The following ATP2C2 variants were observed in gnomAD, a reference collection of about 807,000 sequenced individuals.
ATP2C2 encodes ATPase secretory pathway Ca2+ transporting 2.
ATP2C2 carries 171 observed loss-of-function variants against 110.8 expected under a neutral mutation model. That is an observed-to-expected ratio of 1.54 (90% CI 1.36 to 1.75). The LOEUF (loss-of-function observed/expected upper bound fraction) is 1.75, where lower values mean the gene tolerates loss of function less well. ATP2C2 is among the 40% of genes most tolerant of loss of function. ATP2C2 has a pLI of 0.00. For missense variants in ATP2C2, 1,963 were observed against 1,235.0 expected (o/e 1.59, Z -8.84); for synonymous variants, 804 against 508.4 (o/e 1.58, Z -7.82).
At chr16:84,412,778 C>A (rs10514604) in intron 6 of ATP2C2, among the ~76,000 whole-genome samples, 5 of 151,860 alleles carry the variant, frequency 3.3e-5, no homozygotes, top group South Asian at 4.2e-4. Context: ...CCGAACATAC[C>A]TGGCTGCTCA....
rs112888670 is a variant in ATP2C2 at position 84,413,645 on chromosome 16, G to A, written c.516-1838G>A. ...ATAGCGTGCATTATTGATGTCTCCC[G>A]GGAGGTCACTTCTAAAAGACGGTTT... On this transcript the variant is annotated intron_variant, in intron 6 of 26. Transcript: ENST00000262429. Among the ~76,000 whole-genome samples the A allele has an allele frequency of 7.9e-4, 121 of 152,236 alleles. 1 individual carries two copies. The highest frequency in any genetic ancestry group is 2.0e-3 in the Admixed American group (31 of 15,296).
intron 24 of ATP2C2, 74 bp downstream of exon 24, chr16:84,460,875 C>T (rs1386264195): frequency 6.6e-7 from 1 of 1,504,596 alleles, no homozygotes; most frequent in East Asian, 2.3e-5. Context: ...AGTCCCTGCC[C>T]TCCTGCCACA....
rs141938632 is a variant in ATP2C2 at position 84,448,712 on chromosome 16, C to T, written c.1660+23C>T. On this transcript the variant is annotated intron_variant, in intron 17 of 26. Transcript: ENST00000262429. Reference sequence around the variant, plus strand: ...GGGGTCAGTGCCTGTGGTCCCGGCCCAGAGCTTTAAGCTTGCATGTAACAT... The same window carrying T: ...GGGGTCAGTGCCTGTGGTCCCGGCCTAGAGCTTTAAGCTTGCATGTAACAT... The T allele has an allele frequency of 1.4e-5, 23 of 1,599,014 alleles. No individual in the cohort carries two copies. In the African/African-American group the frequency reaches 2.7e-4, roughly 19 times the overall value.
chr16:84,413,405 G>A (rs1171409421), intron 6 of ATP2C2, among the ~76,000 whole-genome samples: 1 of 152,138 alleles, frequency 6.6e-6, no homozygotes, highest in East Asian at 1.9e-4. Flanking sequence ...ACAAGAAGAG[G>A]ATGATACAGA....
chr16:84,408,766 G>A (rs1906011007), intron 4 of ATP2C2, among the ~76,000 whole-genome samples: 1 of 152,018 alleles, frequency 6.6e-6, no homozygotes, highest in Non-Finnish European at 1.5e-5. Context: ...CGTGACCCTG[G>A]GATGAGGGGA....
intron 6 of ATP2C2, among the ~76,000 whole-genome samples, chr16:84,412,550 G>A (rs1315623453): frequency 0.015 from 5 of 340 alleles, no homozygotes; most frequent in Non-Finnish European, 0.017. Context: ...GTGTATGCGT[G>A]TGTGTGTGTG....
rs1909966692 is a variant in ATP2C2, at chr16:84,448,528, C to T, written c.1504-5C>T. ...AGTGGATTTCTTCCCTTTGTCTTTT[C>T]TAAGGATCAGGAAGACATTTACTTC... On this transcript the variant is annotated splice_region_variant and splice_polypyrimidine_tract_variant and intron_variant, in intron 16 of 26. Coordinates refer to ENST00000262429, the MANE Select transcript of ATP2C2 (RefSeq NM_014861.4). 3 of 1,604,488 alleles carry T rather than the reference C, an allele frequency of 1.9e-6. No homozygotes were observed. The highest frequency in any genetic ancestry group is 2.2e-5 in the South Asian group (2 of 90,410).
chr16:84,462,252 G>T, intron 26 of ATP2C2, 123 bp downstream of exon 26: 3 of 1,327,914 alleles, frequency 2.3e-6, no homozygotes, highest in Non-Finnish European at 3.1e-6. Context: ...ACCAGGGGCC[G>T]GCTCTGTCTT....
chr16:84,421,325 C>A (rs970040856), intron 7 of ATP2C2, among the ~76,000 whole-genome samples: 2 of 152,226 alleles, frequency 1.3e-5, no homozygotes, highest in African/African-American at 4.8e-5. Flanking sequence ...GGGAGACGGG[C>A]ATTACCTGGG....
At chr16:84,396,349 C>G (rs1904975081) in intron 1 of ATP2C2, among the ~76,000 whole-genome samples, 1 of 151,866 alleles carries the variant, frequency 6.6e-6, no homozygotes, top group Non-Finnish European at 1.5e-5. Flanking sequence ...AATTTGAGAC[C>G]AGCCTGGCCA....
At chr16:84,380,573 G>A (rs1418502760) in intron 1 of ATP2C2, among the ~76,000 whole-genome samples, 1 of 152,140 alleles carries the variant, frequency 6.6e-6, no homozygotes, top group Non-Finnish European at 1.5e-5. Context: ...CTGTTTGCTT[G>A]GGTGTTCTTG....
chr16:84,447,443 C>A (rs1269693755), intron 16 of ATP2C2, among the ~76,000 whole-genome samples: 2 of 151,920 alleles, frequency 1.3e-5, no homozygotes, highest in Admixed American at 6.6e-5. Context: ...CCACCACCCA[C>A]CCAGAGGTAA....
chr16:84,426,218 TG>T (rs955326040), intron 11 of ATP2C2, among the ~76,000 whole-genome samples: 4 of 152,002 alleles, frequency 2.6e-5, no homozygotes, highest in African/African-American at 9.7e-5. Flanking sequence ...GCATGTCACA[TG>T]GCAAGAGCAG....
intron 11 of ATP2C2, among the ~76,000 whole-genome samples, chr16:84,434,231 C>T (rs1431078552): frequency 6.6e-6 from 1 of 151,780 alleles, no homozygotes. Context: ...TCCCGGCCCA[C>T]ATTGTGAAAC....
At chr16:84,384,035 C>T (rs1904291837) in intron 1 of ATP2C2, among the ~76,000 whole-genome samples, 1 of 151,984 alleles carries the variant, frequency 6.6e-6, no homozygotes, top group African/African-American at 2.4e-5. Context: ...GCAATCCTCC[C>T]ACCTCAGCCT....
intron 10 of ATP2C2, among the ~76,000 whole-genome samples, chr16:84,425,475 G>A (rs112427274): frequency 3.3e-5 from 5 of 152,168 alleles, no homozygotes; most frequent in East Asian, 1.9e-4. Context: ...AAATGCTTGC[G>A]AACAGTCCAA....
At chr16:84,368,803 C>A in intron 1 of ATP2C2, 89 bp downstream of exon 1, 2 of 1,130,138 alleles carry the variant, frequency 1.8e-6, no homozygotes, top group Non-Finnish European at 2.5e-6. Flanking sequence ...CCCGCGTTCG[C>A]GCTGCGATCC....
intron 7 of ATP2C2, 72 bp downstream of exon 7, chr16:84,415,663 G>A (rs1906772299): frequency 1.6e-6 from 2 of 1,244,840 alleles, no homozygotes; most frequent in East Asian, 2.3e-5. Flanking sequence ...TTAGCTAATT[G>A]TAGGCATGTA....
intron 16 of ATP2C2, among the ~76,000 whole-genome samples, chr16:84,447,744 TAATA>T (rs1909883564): frequency 1.4e-5 from 2 of 139,036 alleles, no homozygotes; most frequent in South Asian, 4.2e-4. Flanking sequence ...TAGTTATATA[TAATA>T]TATAATATAC....
Sources: allele counts gnomAD v4.1 joint callset (sites outside exome capture counted in the v4.1 genomes callset), GRCh38; gene constraint gnomAD v4.1.1; transcripts MANE v1.5; gene names NCBI Gene and HGNC (gene_info 2026-07-23, HGNC 2026-07-21).